The following ZNF714 variants were observed in gnomAD, a reference collection of about 807,000 sequenced individuals.
ZNF714 encodes zinc finger protein 714.
In ZNF714, 32 loss-of-function variants were observed where a neutral mutation model predicts 46.2. The ratio of observed to expected loss-of-function variants is 0.69; its 90% CI spans 0.52 to 0.93. ZNF714 has a LOEUF of 0.93. Ranked by LOEUF, ZNF714 falls within the 40% of genes least tolerant of loss-of-function variation. The pLI is 0.00. For missense variants in ZNF714, 635 were observed against 646.3 expected, an observed-to-expected ratio of 0.98 and a Z score of 0.19; for synonymous variants, 199 against 213.1, an observed-to-expected ratio of 0.93 and a Z score of 0.58.
At chr19:21,090,636 A>G (rs1206796459) in intron 2 of ZNF714, among the ~76,000 whole-genome samples, 1 of 152,148 alleles carries the variant, frequency 6.6e-6, no homozygotes, top group Non-Finnish European at 1.5e-5. Context: ...TGTGGTTGCC[A>G]GAAAGATGTT....
At position 21,119,041 on chromosome 19, in the gene ZNF714, T is replaced by A. The variant is rs1245389456; in HGVS notation, c.*709T>A. The stretch of plus-strand genomic sequence containing the variant: ...AAAGCCATTAATATATGTTCATATC[T>A]CAACACCAGATAGTTCATACTTAAT... On this transcript the variant is annotated 3_prime_UTR_variant, in exon 5 of 5. Transcript: ENST00000456283. 4 of 409,464 alleles carry A rather than the reference T, an allele frequency of 9.8e-6. No individual in the cohort carries two copies. The highest frequency in any genetic ancestry group is 1.4e-5 in the Non-Finnish European group (3 of 210,452). 25.4% of individuals were successfully genotyped at this position (409,464 alleles called of 1,614,324 possible). A position where few individuals can be genotyped will look rare whatever the true frequency, so the allele number is the denominator to read the frequency against.
chr19:21,119,117 G>A lies in ZNF714; in HGVS notation c.*785G>A. Reference sequence around the variant, plus strand: ...TCAAAAGACCTTTCAGAAAATACAAGCTTTTGACCAGGCGTGGTGGCTCAG... The same window carrying A: ...TCAAAAGACCTTTCAGAAAATACAAACTTTTGACCAGGCGTGGTGGCTCAG... On this transcript the variant is annotated 3_prime_UTR_variant, in exon 5 of 5. Coordinates refer to ENST00000456283, the MANE Select transcript of ZNF714 (RefSeq NM_182515.4). The A allele has an allele frequency of 2.2e-6, 1 of 452,340 alleles. No homozygotes were observed. Among genetic ancestry groups the A allele is most frequent in the Non-Finnish European group, 4.4e-6 (1 of 225,268 alleles). 28.0% of individuals were successfully genotyped at this position (452,340 alleles called of 1,614,324 possible). A position where few individuals can be genotyped will look rare whatever the true frequency, so the allele number is the denominator to read the frequency against.
At chr19:21,096,590 C>A (rs901200773) in intron 2 of ZNF714, among the ~76,000 whole-genome samples, 1 of 152,166 alleles carries the variant, frequency 6.6e-6, no homozygotes. Flanking sequence ...ATATTTCTAT[C>A]CTATGTACGA....
At chr19:21,094,924 C>A (rs542299989) in intron 2 of ZNF714, among the ~76,000 whole-genome samples, 3 of 152,264 alleles carry the variant, frequency 2.0e-5, no homozygotes, top group African/African-American at 7.2e-5. Flanking sequence ...GCATTTTTTG[C>A]ACATGCTTGT....
At chr19:21,102,860 T>G (rs766815843) in intron 4 of ZNF714, among the ~76,000 whole-genome samples, 7 of 152,216 alleles carry the variant, frequency 4.6e-5, no homozygotes, top group Non-Finnish European at 1.0e-4. Context: ...AACATCAGCT[T>G]ATTGTGTTTT....
rs1463879248 is a variant in ZNF714 at position 21,116,903 on chromosome 19, A to G, written c.239A>G (p.His80Arg). The change falls in exon 5 of 5, where the codon CAT (histidine) becomes CGT (arginine). Residue 80 changes from histidine to arginine, a missense_variant. Transcript: ENST00000456283. ...VILRRHGKCE[H>R]ENLQLRKGSA... ...CTGAGAAGACATGGCAAATGTGAACATGAGAATTTACAGTTAAGAAAAGGC... is the reference window on the plus strand; with the variant it reads ...CTGAGAAGACATGGCAAATGTGAACGTGAGAATTTACAGTTAAGAAAAGGC... The G allele has an allele frequency of 6.8e-6, 11 of 1,613,836 alleles. No homozygotes were observed. In the Admixed American group the frequency reaches 1.5e-4, roughly 22 times the overall value.
rs535855364 is a variant in ZNF714, at chr19:21,116,633, T to C, written c.143-174T>C. On this transcript the variant is annotated intron_variant, in intron 4 of 4. Transcript: ENST00000456283. The stretch of plus-strand genomic sequence containing the variant: ...CATGCTTATTTATAAGTTTTCCTTA[T>C]GTATTTTGGTCAGTATGCTTTTATT... Among the ~76,000 whole-genome samples, 10 of 152,316 alleles carry C rather than the reference T, an allele frequency of 6.6e-5. No individual in the cohort carries two copies. In the South Asian group the frequency reaches 1.9e-3, roughly 28 times the overall value.
intron 4 of ZNF714, among the ~76,000 whole-genome samples, chr19:21,115,283 A>G (rs2144877750): frequency 6.6e-6 from 1 of 151,872 alleles, no homozygotes; most frequent in South Asian, 2.1e-4. Flanking sequence ...ATAATTAAAA[A>G]TGTTTTTTGT....
Position 21,098,365 on chromosome 19 carries a change from CTT to C in ZNF714, c.43+60_43+61del, listed in dbSNP as rs558711559. The C allele has an allele frequency of 1.7e-3, 2,642 of 1,571,724 alleles. 12 individuals carry two copies. The highest frequency in any genetic ancestry group is 9.6e-3 in the Middle Eastern group (57 of 5,960). On this transcript the variant is annotated intron_variant, in intron 3 of 4. Coordinates refer to ENST00000456283, the MANE Select transcript of ZNF714 (RefSeq NM_182515.4). ...AATATACCCTAAACGTTTTATGTCT[CTT>C]TTTTTGTAGAATTTTCTTTGGTAAT...
intron 2 of ZNF714, among the ~76,000 whole-genome samples, chr19:21,095,144 CT>C (rs1969006646): frequency 6.6e-6 from 1 of 152,054 alleles, no homozygotes; most frequent in Admixed American, 6.6e-5. Flanking sequence ...TGAAGAAGCT[CT>C]TTAATTAGGT....
chr19:21,118,180 A>C lies in ZNF714; in HGVS notation c.1516A>C (p.Met506Leu). 2 of 1,610,822 alleles carry C rather than the reference A, an allele frequency of 1.2e-6. No homozygotes were observed. The highest frequency in any genetic ancestry group is 1.7e-6 in the Non-Finnish European group (2 of 1,178,178). Residue 506 changes from methionine to leucine, a missense_variant, in exon 5 of 5, where the codon ATG becomes CTG. Met to Leu is a conservative substitution (Grantham distance 15, BLOSUM62 2). Transcript: ENST00000456283. Reference protein sequence around the residue: ...LTKHRKIQQGMVAHACNPNTL... With the variant: ...LTKHRKIQQGLVAHACNPNTL... ...TAAACATAGGAAAATTCAGCAGGGC[A>C]TGGTGGCTCATGCCTGTAATCCCAA... is the stretch of plus-strand genomic sequence containing the variant.
chr19:21,109,297 C>T (rs1969393611), intron 4 of ZNF714, among the ~76,000 whole-genome samples: 1 of 152,162 alleles, frequency 6.6e-6, no homozygotes, highest in Non-Finnish European at 1.5e-5. Flanking sequence ...TGACTCACTG[C>T]AGCCTCAACC....
rs765244885 is a variant in ZNF714 at position 21,120,797 on chromosome 19, ATAAGT to A, written c.*2469_*2473del. The A allele has an allele frequency of 8.5e-5, 13 of 152,278 alleles. No homozygotes were observed. Among genetic ancestry groups the A allele is most frequent in the Non-Finnish European group, 1.8e-4 (12 of 68,018 alleles). The allele number at this position is 152,278 out of a possible 1,614,324, so 9.4% of individuals were successfully genotyped here. The stretch of plus-strand genomic sequence containing the variant: ...TTTTGCCAGTGGCTTTAAACCGCAA[ATAAGT>A]TAAAGAATATTGTTTCTGTAGGTTA... On this transcript the variant is annotated 3_prime_UTR_variant, in exon 5 of 5. Transcript: ENST00000456283.
chr19:21,085,415 ATAGATATATTTTCATAAAGGAG>A (rs1258333182), intron 2 of ZNF714, among the ~76,000 whole-genome samples: 1 of 152,200 alleles, frequency 6.6e-6, no homozygotes, highest in East Asian at 1.9e-4. Flanking sequence ...CAATACAATA[ATAGATATATTTTCATAAAGGAG>A]TAGATACTTT....
At chr19:21,096,503 A>G (rs930491457) in intron 2 of ZNF714, among the ~76,000 whole-genome samples, 1 of 152,154 alleles carries the variant, frequency 6.6e-6, no homozygotes, top group Non-Finnish European at 1.5e-5. Context: ...TTACTTCTCT[A>G]CTTCTGTTTT....
In ZNF714 at chr19:21,098,989, A is replaced by G. The variant is rs1231302900; in HGVS notation, c.142+79A>G. On this transcript the variant is annotated intron_variant, in intron 4 of 4. Transcript: ENST00000456283. ...AAAAAAAAAAAGCAAGCCGGCCCTT[A>G]CAATGTGATTTGGGAAGCTGTTTTG... 5.6e-6 allele frequency: 5 copies of G among 889,200 alleles called. No homozygotes were observed. In the East Asian group the frequency reaches 1.0e-4, roughly 18 times the overall value. 55.1% of individuals were successfully genotyped at this position (889,200 alleles called of 1,614,324 possible). A position where few individuals can be genotyped will look rare whatever the true frequency, so the allele number is the denominator to read the frequency against.
intron 4 of ZNF714, among the ~76,000 whole-genome samples, chr19:21,110,357 CT>C (rs748626350): frequency 7.9e-5 from 12 of 152,082 alleles, no homozygotes; most frequent in Non-Finnish European, 1.8e-4. Context: ...TGATGTTGAG[CT>C]TTTTTTCATG....
At chr19:21,115,478 T>C (rs182790145) in intron 4 of ZNF714, among the ~76,000 whole-genome samples, 166 of 152,158 alleles carry the variant, frequency 1.1e-3, no homozygotes, top group African/African-American at 3.9e-3. Context: ...ATATTTTTTT[T>C]CAGAATTTGG....
At position 21,082,375 on chromosome 19, in the gene ZNF714, A is replaced by C. The variant is rs764657450; in HGVS notation, c.-177+27A>C. The C allele has an allele frequency of 3.0e-5, 43 of 1,455,764 alleles. No homozygotes were observed. The African/African-American group carries it at 4.9e-4, about 16-fold the overall frequency. 90.2% of individuals were successfully genotyped at this position (1,455,764 alleles called of 1,614,324 possible). On this transcript the variant is annotated intron_variant, in intron 1 of 4. Transcript: ENST00000456283. The stretch of plus-strand genomic sequence containing the variant: ...TGAGAGTGCCGGGTCCGACATCCCG[A>C]GAGAGGGGAAGGGGCGGGTTGTAAG...
Sources: allele counts gnomAD v4.1 joint callset (sites outside exome capture counted in the v4.1 genomes callset), GRCh38; gene constraint gnomAD v4.1.1; transcripts MANE v1.5; gene names NCBI Gene and HGNC (gene_info 2026-07-23, HGNC 2026-07-21).